KIAA1217: variants seen among roughly 807,000 people sequenced by gnomAD.
KIAA1217 encodes KIAA1217, also known as sickle tail protein homolog.
A neutral mutation model predicts 163.9 loss-of-function variants in KIAA1217; 88 were observed. The ratio of observed to expected loss-of-function variants is 0.54; its 90% CI spans 0.45 to 0.64. KIAA1217 has a LOEUF of 0.64. Among genes scored for constraint, KIAA1217 ranks in the 30% least tolerant of loss-of-function variants. The probability of loss-of-function intolerance (pLI) is 0.00; values close to 1 mark genes in which losing one functional copy is unlikely to be tolerated. For synonymous variants in KIAA1217, 903 were observed against 923.1 expected (o/e 0.98, Z 0.39); for missense variants, 2,372 against 2,475.0 (o/e 0.96, Z 0.88).
chr10:24,251,856 T>TA (rs34540873), intron 2 of KIAA1217, among the ~76,000 whole-genome samples: 1,578 of 119,648 alleles, frequency 0.013, 27 homozygotes, highest in East Asian at 0.096. Context: ...CTGCATCTGT[T>TA]AAAAAAAAAA....
chr10:24,150,064 G>C (rs10764450), intron 2 of KIAA1217, among the ~76,000 whole-genome samples: 72,400 of 151,858 alleles, frequency 0.48, 18,676 homozygotes, highest in African/African-American at 0.69. Context: ...GTTGCCCAGC[G>C]TAGAGTGCAA....
intron 2 of KIAA1217, among the ~76,000 whole-genome samples, chr10:24,037,925 C>T (rs1301851046): frequency 1.3e-5 from 2 of 152,142 alleles, no homozygotes; most frequent in African/African-American, 4.8e-5. Flanking sequence ...TTATTCATTT[C>T]TTATTTTAAT....
chr10:23,921,276 G>A (rs949928187), intron 1 of KIAA1217, among the ~76,000 whole-genome samples: 3 of 152,268 alleles, frequency 2.0e-5, no homozygotes, highest in Admixed American at 6.5e-5. Flanking sequence ...GATTTGGTCA[G>A]GGACACAGAA....
chr10:24,261,900 A>G (rs1057119930), intron 2 of KIAA1217, among the ~76,000 whole-genome samples: 8 of 152,252 alleles, frequency 5.3e-5, no homozygotes, highest in African/African-American at 1.9e-4. Flanking sequence ...CACAGTAGAC[A>G]GAATGTTTTG....
intron 2 of KIAA1217, among the ~76,000 whole-genome samples, chr10:24,311,651 C>T (rs1254264311): frequency 3.9e-5 from 6 of 152,172 alleles, no homozygotes; most frequent in Admixed American, 3.9e-4. Context: ...AGGACTGCTC[C>T]CATGCTGGGC....
intron 1 of KIAA1217, among the ~76,000 whole-genome samples, chr10:23,917,028 T>C (rs1842661648): frequency 6.6e-6 from 1 of 151,848 alleles, no homozygotes; most frequent in African/African-American, 2.4e-5. Flanking sequence ...CTCCCTTTCA[T>C]TTCCTTTCCT....
Position 24,219,758 on chromosome 10 carries a change from C to A in KIAA1217, c.203C>A (p.Thr68Asn), listed in dbSNP as rs1231549318. 6.2e-7 allele frequency: 1 copy of A among 1,613,680 alleles called. No homozygotes were observed. The highest frequency in any genetic ancestry group is 8.5e-7 in the Non-Finnish European group (1 of 1,179,854). ...TCCCGCAATATCCCAAGGAGACACA[C>A]CCTAGGGGGGCCCCGAAGTTCCAAG... Reference protein sequence around the residue: ...KSSRNIPRRHTLGGPRSSKEI... With the variant: ...KSSRNIPRRHNLGGPRSSKEI... Residue 68 changes from threonine (T) to asparagine (N), a missense_variant, in exon 2 of 21, where the codon ACC becomes AAC. By Grantham distance (65) the Thr-to-Asn change is moderately conservative. Around this residue, in one of 3 missense-constraint regions of KIAA1217, gnomAD observed 1,431 missense variants for 1,470.3 expected, o/e 0.97. Transcript: ENST00000376454.
chr10:23,972,896 G>C (rs1043151725), intron 1 of KIAA1217, among the ~76,000 whole-genome samples: 2 of 152,090 alleles, frequency 1.3e-5, no homozygotes, highest in African/African-American at 4.8e-5. Context: ...TCATAAGTGG[G>C]AGTTGAACAA....
At chr10:24,052,786 T>G (rs1849608617) in intron 2 of KIAA1217, among the ~76,000 whole-genome samples, 1 of 152,148 alleles carries the variant, frequency 6.6e-6, no homozygotes, top group African/African-American at 2.4e-5. Flanking sequence ...CTTATATTGT[T>G]ATATGCTATA....
At chr10:24,432,652 G>T (rs574732155) in intron 3 of KIAA1217, among the ~76,000 whole-genome samples, 1 of 151,728 alleles carries the variant, frequency 6.6e-6, no homozygotes, top group Non-Finnish European at 1.5e-5. Flanking sequence ...ATGGGATCTT[G>T]CTACATTGCC....
intron 2 of KIAA1217, among the ~76,000 whole-genome samples, chr10:24,176,468 C>T (rs1391221304): frequency 1.3e-5 from 2 of 152,100 alleles, no homozygotes; most frequent in Non-Finnish European, 2.9e-5. Flanking sequence ...GAAAGTTCTC[C>T]AAGTCCCCAC....
At chr10:24,468,744 A>G (rs2063197323) in intron 5 of KIAA1217, among the ~76,000 whole-genome samples, 1 of 152,206 alleles carries the variant, frequency 6.6e-6, no homozygotes, top group Non-Finnish European at 1.5e-5. Context: ...TGTCCATGCC[A>G]TACTGGATAT....
At chr10:24,209,097 C>G, upstream of KIAA1217, 1 of 1,030,434 alleles carries the variant, frequency 9.7e-7, no homozygotes, top group East Asian at 2.4e-5. Flanking sequence ...CCCCTCCTCC[C>G]CAGCCCCGGG....
Position 24,436,208 on chromosome 10 carries a change from G to A in KIAA1217, c.753-2178G>A, listed in dbSNP as rs568626887. 3.3e-5 allele frequency among the ~76,000 whole-genome samples: 5 copies of A among 152,102 alleles called. No homozygotes were observed. In the South Asian group the frequency reaches 1.0e-3, roughly 32 times the overall value. ...AAAAACTCTCATTTAAAATATTTAA[G>A]TGGAAAGATCACCGATTTATAAATT... On this transcript the variant is annotated intron_variant, in intron 4 of 20. Transcript: ENST00000376454.
intron 1 of KIAA1217, among the ~76,000 whole-genome samples, chr10:23,807,147 C>T (rs747752321): frequency 3.9e-5 from 6 of 152,222 alleles, no homozygotes; most frequent in Non-Finnish European, 2.9e-5. Context: ...TGAAGCTCAG[C>T]GATTCATTTC....
chr10:23,838,704 A>G (rs1025257599), intron 1 of KIAA1217, among the ~76,000 whole-genome samples: 44 of 152,028 alleles, frequency 2.9e-4, no homozygotes, highest in African/African-American at 1.0e-3. Flanking sequence ...CAAATGATCC[A>G]CCCACCTGAG....
intron 2 of KIAA1217, among the ~76,000 whole-genome samples, chr10:24,159,284 C>A (rs2065011611): frequency 6.6e-6 from 1 of 151,962 alleles, no homozygotes; most frequent in Non-Finnish European, 1.5e-5. Context: ...ATTAAAAAAT[C>A]AGCATTCTTT....
chr10:23,855,510 G>A (rs533938441), intron 1 of KIAA1217, among the ~76,000 whole-genome samples: 22 of 152,178 alleles, frequency 1.4e-4, no homozygotes, highest in Middle Eastern at 3.4e-3. Context: ...TGCTCTTCTC[G>A]AGGAGTATCT....
At chr10:23,802,946 T>A (rs1382580766) in intron 1 of KIAA1217, among the ~76,000 whole-genome samples, 1 of 152,162 alleles carries the variant, frequency 6.6e-6, no homozygotes, top group Non-Finnish European at 1.5e-5. Context: ...TCGAAGATCT[T>A]TGCATGGGTA....
Sources: gnomAD v4.1 joint callset for allele counts (sites outside exome capture counted in the v4.1 genomes callset) on GRCh38, gnomAD v4.1.1 for gene constraint, gnomAD v4.1.1 regional missense constraint, MANE v1.5 for transcripts, NCBI Gene and HGNC (gene_info 2026-07-23, HGNC 2026-07-21) for gene names.